Variants in SDAD1 observed in about 807,000 individuals in gnomAD.
SDAD1 encodes SDA1 domain containing 1.
In SDAD1, 79 loss-of-function variants were observed where a neutral mutation model predicts 100.3. The ratio of observed to expected loss-of-function variants is 0.79; its 90% confidence interval spans 0.66 to 0.95. The LOEUF (loss-of-function observed/expected upper bound fraction) is 0.95, where lower values mean the gene tolerates loss of function less well. SDAD1 is among the 40% of genes least tolerant of loss of function. SDAD1 has a pLI of 0.00. For missense variants in SDAD1, 790 were observed against 810.9 expected, an observed-to-expected ratio of 0.97 and a Z score of 0.31; for synonymous variants, 267 against 271.4, an observed-to-expected ratio of 0.98 and a Z score of 0.16.
Position 75,964,098 on chromosome 4 carries a change from A to C in SDAD1, c.1181+37T>G, listed in dbSNP as rs568446657. ...ACTTATAGCAAATCTAGTCCATTAAACAATGTATCTTCTGCCTCCAACCAG... is the reference window on the plus strand; with the variant it reads ...ACTTATAGCAAATCTAGTCCATTAACCAATGTATCTTCTGCCTCCAACCAG... On this transcript the variant is annotated intron_variant, in intron 14 of 21. Coordinates refer to ENST00000356260, the MANE Select transcript of SDAD1 (RefSeq NM_018115.4). The C allele has an allele frequency of 2.8e-5, 37 of 1,345,048 alleles. No individual in the cohort carries two copies. The South Asian group carries it at 4.3e-4, about 16-fold the overall frequency. 83.3% of individuals were successfully genotyped at this position (1,345,048 alleles called of 1,614,324 possible). A position where few individuals can be genotyped will look rare whatever the true frequency, so the allele number is the denominator to read the frequency against.
Position 75,967,257 on chromosome 4 carries a change from C to A in SDAD1, c.1045+20G>T. On this transcript the variant is annotated intron_variant, in intron 12 of 21. Transcript: ENST00000356260. ...TCTATTACCAAGGCCACCAAAGAAA[C>A]ATGGCAAGTGGCAGCTTACCTCTTT... The A allele has an allele frequency of 6.2e-7, 1 of 1,611,870 alleles. No individual in the cohort carries two copies. The highest frequency in any genetic ancestry group is 8.5e-7 in the Non-Finnish European group (1 of 1,177,982).
At chr4:75,960,904 C>A in intron 16 of SDAD1, 124 bp downstream of exon 16, 1 of 779,816 alleles carries the variant, frequency 1.3e-6, no homozygotes, top group Non-Finnish European at 2.2e-6. Flanking sequence ...AGAATACAAC[C>A]GTGTGCATCA....
At chr4:75,954,338 C>T (rs1187134047) in intron 21 of SDAD1, among the ~76,000 whole-genome samples, 6 of 150,418 alleles carry the variant, frequency 4.0e-5, no homozygotes, top group Non-Finnish European at 7.4e-5. Context: ...GCTGAGATTG[C>T]GCCACTGCAC....
intron 11 of SDAD1, among the ~76,000 whole-genome samples, chr4:75,967,671 G>A (rs1201865552): frequency 6.6e-6 from 1 of 152,120 alleles, no homozygotes. Context: ...TAAGGAGAGG[G>A]GATTATAGGA....
chr4:75,959,599 CG>C (rs1434166570), intron 17 of SDAD1, among the ~76,000 whole-genome samples: 1 of 148,338 alleles, frequency 6.7e-6, no homozygotes, highest in Admixed American at 6.7e-5. Context: ...GAGACTCCAA[CG>C]TGAGGAAAAA....
Position 75,981,998 on chromosome 4 carries a change from T to C in SDAD1, c.130A>G (p.Ile44Val). 1 of 1,612,572 alleles carries C rather than the reference T, an allele frequency of 6.2e-7. No homozygotes were observed. The highest frequency in any genetic ancestry group is 8.5e-7 in the Non-Finnish European group (1 of 1,179,496). Residue 44 changes from isoleucine to valine, a missense_variant, in exon 2 of 22, where the codon ATT becomes GTT. Coordinates refer to ENST00000356260, the MANE Select transcript of SDAD1 (RefSeq NM_018115.4). ...GGTTTATTTGGTTGCAATTTGAAAA[T>C]CTCCACATTGGATTTGTAGTGATTA... ...QYNHYKSNVE[I>V]FKLQPNKPSK...
At chr4:75,983,143 T>C (rs899955509) in intron 1 of SDAD1, among the ~76,000 whole-genome samples, 4 of 152,210 alleles carry the variant, frequency 2.6e-5, no homozygotes, top group Non-Finnish European at 5.9e-5. Flanking sequence ...TATGGCTGCA[T>C]AGTATTCCAT....
intron 20 of SDAD1, 21 bp downstream of exon 20, chr4:75,957,304 A>G: frequency 6.3e-7 from 1 of 1,590,672 alleles, no homozygotes. Context: ...TTAAAAAACT[A>G]GGAATGATAT....
At chr4:75,955,368 ATC>A (rs10574838) in intron 21 of SDAD1, among the ~76,000 whole-genome samples, 2,577 of 152,194 alleles carry the variant, frequency 0.017, 62 homozygotes, top group Middle Eastern at 0.061. Context: ...AACTTTCACT[ATC>A]TTGTGTGTGT....
Position 75,961,016 on chromosome 4 carries a change from T to A in SDAD1, c.1356+12A>T, listed in dbSNP as rs902917530. ...CATAACCTTTAGACCAACATAAGTG[T>A]GCTTTACCTACCCGGAATTTCTTCT... On this transcript the variant is annotated intron_variant, in intron 16 of 21. Coordinates refer to ENST00000356260, the MANE Select transcript of SDAD1 (RefSeq NM_018115.4). 1.2e-6 allele frequency: 2 copies of A among 1,611,242 alleles called. No homozygotes were observed. The highest frequency in any genetic ancestry group is 1.7e-6 in the Non-Finnish European group (2 of 1,178,228).
At chr4:75,981,903 T>C (rs2149329262) in intron 2 of SDAD1, 30 bp downstream of exon 2, 3 of 1,413,176 alleles carry the variant, frequency 2.1e-6, no homozygotes, top group South Asian at 1.2e-5. Context: ...GTGTTAATAC[T>C]GGTCTTTATT....
chr4:75,975,757 T>G lies in SDAD1; in HGVS notation c.565A>C (p.Arg189=). ...TATATACACTACCAGATGTTCCTTC[T>G]GTAGAGTTCAATCATTACATCTAAA... The part of the protein sequence containing the change: ...MSLDVMIELY[R]RNIWNDAKTV... The change falls in exon 6 of 22, where the codon AGA becomes CGA. Residue 189 remains arginine (R), a synonymous_variant. Transcript: ENST00000356260. 6.2e-7 allele frequency: 1 copy of G among 1,611,978 alleles called. No homozygotes were observed. The highest frequency in any genetic ancestry group is 1.3e-5 in the African/African-American group (1 of 75,036).
intron 1 of SDAD1, among the ~76,000 whole-genome samples, chr4:75,983,109 C>CA (rs36186662): frequency 0.67 from 101,941 of 151,998 alleles, 35,045 homozygotes; most frequent in East Asian, 0.93. Context: ...CATGTCCCTG[C>CA]AAGGACATGA....
In SDAD1 at chr4:75,957,917, C is replaced by A. The variant is rs1402243489; in HGVS notation, c.1508G>T (p.Ser503Ile). 1 of 1,612,984 alleles carries A rather than the reference C, an allele frequency of 6.2e-7. No individual in the cohort carries two copies. The highest frequency in any genetic ancestry group is 1.1e-5 in the South Asian group (1 of 91,028). Residue 503 changes from serine (S) to isoleucine (I), a missense_variant, in exon 18 of 22, where the codon AGT becomes ATT. Coordinates refer to ENST00000356260, the MANE Select transcript of SDAD1 (RefSeq NM_018115.4). ...TTCACCATCAGCATCCTCCTCCTCA[C>A]TGAGACTGGTACTTTCCCATCCATC... ...DEDGWESTSL[S>I]EEEDADGEWI...
Position 75,961,223 on chromosome 4 carries a change from G to A in SDAD1, c.1267C>T (p.His423Tyr). Residue 423 changes from histidine (H) to tyrosine (Y), a missense_variant, in exon 15 of 22, where the codon CAC becomes TAC. Transcript: ENST00000356260. ...ACATGCAGCTTACTCTTATCCTTGT[G>A]TGTTTTATACTGAGCCAGGTCTTGG... ...LLQDLAQYKT[H>Y]KDKNVMMSAR... 2 of 1,613,808 alleles carry A rather than the reference G, an allele frequency of 1.2e-6. No individual in the cohort carries two copies. The highest frequency in any genetic ancestry group is 1.3e-5 in the African/African-American group (1 of 75,004).
At chr4:75,988,276 G>C (rs1223663941) in intron 1 of SDAD1, among the ~76,000 whole-genome samples, 1 of 152,086 alleles carries the variant, frequency 6.6e-6, no homozygotes, top group Admixed American at 6.5e-5. Flanking sequence ...TTGGGAGGTA[G>C]AATCCCAAAT....
At chr4:75,964,586 GTCTCT>G (rs1729432529) in intron 13 of SDAD1, among the ~76,000 whole-genome samples, 4 of 124,842 alleles carry the variant, frequency 3.2e-5, no homozygotes, top group Admixed American at 7.9e-5. Context: ...AAGAGTTAGT[GTCTCT>G]TCTATCTATT....
At chr4:75,955,703 T>A (rs567362395) in intron 21 of SDAD1, among the ~76,000 whole-genome samples, 1 of 152,336 alleles carries the variant, frequency 6.6e-6, no homozygotes, top group Admixed American at 6.5e-5. Context: ...TTCCTTTACT[T>A]ATACTGGAGG....
At chr4:75,958,091 G>T in intron 17 of SDAD1, 150 bp from the exon 18 acceptor site, 2 of 710,112 alleles carry the variant, frequency 2.8e-6, no homozygotes, top group Non-Finnish European at 5.0e-6. Context: ...AATAAACAAT[G>T]TGCCTTTAGT....
Sources: gnomAD v4.1 joint callset for allele counts (sites outside exome capture counted in the v4.1 genomes callset) on GRCh38, gnomAD v4.1.1 for gene constraint, MANE v1.5 for transcripts, NCBI Gene and HGNC (gene_info 2026-07-23, HGNC 2026-07-21) for gene names.